The following TSC22D1 variants were observed in gnomAD, a reference collection of about 807,000 sequenced individuals.
TSC22D1 encodes the protein TSC22 domain family protein 1.
In TSC22D1, 9 loss-of-function variants were observed where a neutral mutation model predicts 74.2. The observed-to-expected ratio is 0.12, with a 90% CI of 0.07 to 0.21. The LOEUF (loss-of-function observed/expected upper bound fraction) is 0.21. Ranked by LOEUF, TSC22D1 falls within the 10% of genes least tolerant of loss-of-function variation. The probability of loss-of-function intolerance (pLI) is 1.00; values close to 1 mark genes in which losing one functional copy is unlikely to be tolerated. For synonymous variants in TSC22D1, 586 were observed against 492.5 expected (o/e 1.19, Z -2.51); for missense variants, 1,427 against 1,304.7 (o/e 1.09, Z -1.44).
chr13:44,550,350 G>C (rs1289956737), intron 1 of TSC22D1, among the ~76,000 whole-genome samples: 1 of 151,954 alleles, frequency 6.6e-6, no homozygotes, highest in East Asian at 1.9e-4. Flanking sequence ...TGGGAGGCCG[G>C]GTGGGTGGAT....
intron 1 of TSC22D1, among the ~76,000 whole-genome samples, chr13:44,560,717 A>T (rs957362653): frequency 1.3e-5 from 2 of 152,226 alleles, no homozygotes; most frequent in Admixed American, 1.3e-4. Flanking sequence ...CGACTAAAAC[A>T]TGGTTTATAC....
intron 1 of TSC22D1, chr13:44,436,723 G>C: frequency 1.3e-6 from 2 of 1,504,084 alleles, no homozygotes; most frequent in South Asian, 1.4e-5. Context: ...CCGCAGCCCA[G>C]GGAGAAACAG....
At chr13:44,549,753 C>G (rs1431579466) in intron 1 of TSC22D1, among the ~76,000 whole-genome samples, 1 of 147,732 alleles carries the variant, frequency 6.8e-6, no homozygotes, top group Non-Finnish European at 1.5e-5. Flanking sequence ...GGGAACAGGG[C>G]CAAACCCTGC....
In TSC22D1 at chr13:44,576,247, C is replaced by T; in HGVS notation, c.-173G>A. ...GGTCGCTCCTGCCTTCGAGAGCGAG[C>T]TTCGGAAAGGAGGATGAACGAGGGT... On this transcript the variant is annotated 5_prime_UTR_variant, in exon 1 of 3. Transcript: ENST00000458659. The T allele has an allele frequency of 1.0e-6, 1 of 964,352 alleles. No homozygotes were observed. The highest frequency in any genetic ancestry group is 1.5e-6 in the Non-Finnish European group (1 of 676,008). The allele number at this position is 964,352 out of a possible 1,614,324, so 59.7% of individuals were successfully genotyped here. A position where few individuals can be genotyped will look rare whatever the true frequency, so the allele number is the denominator to read the frequency against.
At chr13:44,567,320 C>A (rs1388443120) in intron 1 of TSC22D1, among the ~76,000 whole-genome samples, 1 of 152,158 alleles carries the variant, frequency 6.6e-6, no homozygotes, top group African/African-American at 2.4e-5. Flanking sequence ...ACACCACAGC[C>A]AGGTTACCAT....
At chr13:44,556,727 G>A (rs374045718) in intron 1 of TSC22D1, among the ~76,000 whole-genome samples, 12 of 152,064 alleles carry the variant, frequency 7.9e-5, no homozygotes, top group East Asian at 5.8e-4. Context: ...CTAGTTGGAC[G>A]TGGTGACGCA....
In TSC22D1 at chr13:44,508,890, G is replaced by C. The variant is rs575139906; in HGVS notation, c.2912+64273C>G. On this transcript the variant is annotated intron_variant, in intron 1 of 2. Transcript: ENST00000458659. ...TCAGACACAGCCCCCGTGCTCATGG[G>C]TAAGAACTGAGGAAGGAAATGTCCA... is the stretch of plus-strand genomic sequence containing the variant. Among the ~76,000 whole-genome samples, 67 of 152,206 alleles carry C rather than the reference G, an allele frequency of 4.4e-4. No individual in the cohort carries two copies. In the South Asian group the frequency reaches 7.1e-3, roughly 16 times the overall value.
chr13:44,564,216 T>C (rs1566177932), intron 1 of TSC22D1, among the ~76,000 whole-genome samples: 1 of 152,230 alleles, frequency 6.6e-6, no homozygotes, highest in African/African-American at 2.4e-5. Flanking sequence ...ATTAACAGTA[T>C]ATTTTCTTGA....
chr13:44,538,321 G>C (rs1266666798), intron 1 of TSC22D1: 1 of 985,194 alleles, frequency 1.0e-6, no homozygotes, highest in Admixed American at 6.2e-5. Context: ...CTCAAGACCA[G>C]CGAAGATGAG....
chr13:44,505,881 T>C (rs1198963749), intron 1 of TSC22D1, among the ~76,000 whole-genome samples: 4 of 152,224 alleles, frequency 2.6e-5, no homozygotes, highest in Non-Finnish European at 5.9e-5. Context: ...CATGTAATGA[T>C]AACAGCAGAA....
At chr13:44,566,846 C>G (rs1396031185) in intron 1 of TSC22D1, among the ~76,000 whole-genome samples, 1 of 151,988 alleles carries the variant, frequency 6.6e-6, no homozygotes, top group Non-Finnish European at 1.5e-5. Flanking sequence ...ATGGAGAATG[C>G]CAAAAACAAA....
At chr13:44,450,933 AAGACACCTG>A (rs1876078935) in intron 1 of TSC22D1, among the ~76,000 whole-genome samples, 4 of 152,292 alleles carry the variant, frequency 2.6e-5, no homozygotes, top group South Asian at 4.2e-4. Flanking sequence ...TGGCATAGCA[AAGACACCTG>A]AGTTTTCTGT....
intron 1 of TSC22D1, among the ~76,000 whole-genome samples, chr13:44,531,558 A>G (rs567271756): frequency 1.3e-5 from 2 of 151,960 alleles, no homozygotes; most frequent in East Asian, 3.9e-4. Flanking sequence ...GCAAAGGTAC[A>G]CTTAGTAGGT....
At chr13:44,525,409 G>A (rs772231825) in intron 1 of TSC22D1, among the ~76,000 whole-genome samples, 2 of 152,016 alleles carry the variant, frequency 1.3e-5, no homozygotes, top group Non-Finnish European at 2.9e-5. Context: ...AACACAGTGA[G>A]CCCCCACCTC....
chr13:44,532,960 G>A (rs1284717609), intron 1 of TSC22D1, among the ~76,000 whole-genome samples: 2 of 152,168 alleles, frequency 1.3e-5, no homozygotes, highest in Non-Finnish European at 2.9e-5. Context: ...ACAAGCAGCA[G>A]TAAGTAGTAA....
intron 1 of TSC22D1, among the ~76,000 whole-genome samples, chr13:44,533,516 CAA>C (rs1880973508): frequency 1.3e-5 from 2 of 148,926 alleles, no homozygotes; most frequent in South Asian, 4.3e-4. Context: ...AACTTCTTAG[CAA>C]AGAGTATCCT....
At chr13:44,504,050 C>G (rs1312435838) in intron 1 of TSC22D1, among the ~76,000 whole-genome samples, 1 of 150,560 alleles carries the variant, frequency 6.6e-6, no homozygotes, top group Non-Finnish European at 1.5e-5. Context: ...GGAATTTGAG[C>G]TATGTGTTAA....
rs1874152393 is a variant in TSC22D1, at chr13:44,432,723, G to A, written c.*1903C>T. ...CTTGTTCTGCAAGGACTTAAGACAAGCCTTAGAACTTGGGATTGGTCCAAT... is the reference window on the plus strand; with the variant it reads ...CTTGTTCTGCAAGGACTTAAGACAAACCTTAGAACTTGGGATTGGTCCAAT... On this transcript the variant is annotated 3_prime_UTR_variant, in exon 3 of 3. Coordinates refer to ENST00000458659, the MANE Select transcript of TSC22D1 (RefSeq NM_183422.4). 1 of 152,160 alleles carries A rather than the reference G, an allele frequency of 6.6e-6. No individual in the cohort carries two copies. Among genetic ancestry groups the A allele is most frequent in the Non-Finnish European group, 1.5e-5 (1 of 68,046 alleles). 9.4% of individuals were successfully genotyped at this position (152,160 alleles called of 1,614,324 possible). A position where few individuals can be genotyped will look rare whatever the true frequency, so the allele number is the denominator to read the frequency against.
chr13:44,436,188 GCAT>G (rs1874603788), intron 1 of TSC22D1, 93 bp from the exon 2 acceptor site: 3 of 1,368,834 alleles, frequency 2.2e-6, no homozygotes, highest in Non-Finnish European at 3.0e-6. Flanking sequence ...GATATTGCTA[GCAT>G]CATATTTTGA....
Sources: gnomAD v4.1 joint callset for allele counts (sites outside exome capture counted in the v4.1 genomes callset) on GRCh38, gnomAD v4.1.1 for gene constraint, MANE v1.5 for transcripts, NCBI Gene and HGNC (gene_info 2026-07-23, HGNC 2026-07-21) for gene names.